PDZRN4: variants seen among roughly 807,000 people sequenced by gnomAD.
PDZRN4 encodes PDZ domain containing ring finger 4.
In PDZRN4, 70 loss-of-function variants were observed where a neutral mutation model predicts 99.0. The ratio of observed to expected loss-of-function variants is 0.71; its 90% CI spans 0.58 to 0.86. PDZRN4 has a LOEUF of 0.86. PDZRN4 is among the 40% of genes least tolerant of loss of function. PDZRN4 has a pLI of 0.00. For missense variants in PDZRN4, 1,474 were observed against 1,331.2 expected (o/e 1.11, Z -1.67); for synonymous variants, 551 against 501.6 (o/e 1.10, Z -1.32).
intron 3 of PDZRN4, among the ~76,000 whole-genome samples, chr12:41,503,684 G>A (rs1293426808): frequency 6.6e-6 from 1 of 152,096 alleles, no homozygotes; most frequent in African/African-American, 2.4e-5. Flanking sequence ...AGAACACCAG[G>A]ACTAGATTAA....
At chr12:41,497,742 G>A (rs550036292) in intron 3 of PDZRN4, among the ~76,000 whole-genome samples, 12 of 152,208 alleles carry the variant, frequency 7.9e-5, no homozygotes, top group African/African-American at 2.9e-4. Flanking sequence ...GATAAAGTTG[G>A]TGACACAAAT....
intron 7 of PDZRN4, among the ~76,000 whole-genome samples, chr12:41,557,619 ACT>A (rs1939190714): frequency 6.6e-6 from 1 of 151,066 alleles, no homozygotes; most frequent in Admixed American, 6.6e-5. Context: ...TCAGGACAAC[ACT>A]CATGGAATCA....
At position 41,333,474 on chromosome 12, in the gene PDZRN4, G is replaced by A. The variant is rs78735281; in HGVS notation, c.843+139286G>A. 5.9e-3 allele frequency among the ~76,000 whole-genome samples: 903 copies of A among 152,210 alleles called. 10 individuals are homozygous for A. Among genetic ancestry groups the A allele is most frequent in the African/African-American group, 0.021 (860 of 41,546 alleles). On this transcript the variant is annotated intron_variant, in intron 3 of 9. Transcript: ENST00000402685. ...TTGGCTCCTCAGTGGTCTGACAGCA[G>A]GTTCTGCCATGTGCTTCAGACCAGG...
intron 3 of PDZRN4, among the ~76,000 whole-genome samples, chr12:41,206,061 A>G (rs530239823): frequency 3.3e-5 from 5 of 152,078 alleles, no homozygotes; most frequent in South Asian, 4.1e-4. Flanking sequence ...GCATTTCACT[A>G]TATGACTCTA....
intron 3 of PDZRN4, among the ~76,000 whole-genome samples, chr12:41,342,849 A>G (rs1291790747): frequency 6.6e-6 from 1 of 151,954 alleles, no homozygotes; most frequent in Non-Finnish European, 1.5e-5. Flanking sequence ...CAGCAATCCA[A>G]CTACTAGGTA....
intron 3 of PDZRN4, among the ~76,000 whole-genome samples, chr12:41,428,647 T>A (rs952053881): frequency 2.0e-5 from 3 of 152,200 alleles, no homozygotes; most frequent in African/African-American, 7.2e-5. Context: ...TGTATGTGTG[T>A]ATGATAGCAA....
At chr12:41,536,443 T>C (rs759483127) in intron 5 of PDZRN4, among the ~76,000 whole-genome samples, 3 of 152,156 alleles carry the variant, frequency 2.0e-5, no homozygotes, top group Admixed American at 6.5e-5. Flanking sequence ...GATGAAAAAG[T>C]GTAGCACAGA....
At chr12:41,451,725 C>T (rs189378212) in intron 3 of PDZRN4, among the ~76,000 whole-genome samples, 2 of 152,250 alleles carry the variant, frequency 1.3e-5, no homozygotes, top group East Asian at 1.9e-4. Flanking sequence ...TAATGGACAC[C>T]TTATCTGTGC....
intron 3 of PDZRN4, among the ~76,000 whole-genome samples, chr12:41,255,607 A>T (rs1591986880): frequency 1.3e-5 from 2 of 152,238 alleles, no homozygotes; most frequent in East Asian, 3.9e-4. Context: ...GTATGTACAA[A>T]GGCTTTTACA....
chr12:41,203,207 A>T (rs80269773), intron 3 of PDZRN4, among the ~76,000 whole-genome samples: 4,385 of 152,154 alleles, frequency 0.029, 165 homozygotes, highest in East Asian at 0.16. Flanking sequence ...AGATAGTTGT[A>T]TATTAATTAA....
At chr12:41,213,682 A>C (rs1002545301) in intron 3 of PDZRN4, among the ~76,000 whole-genome samples, 5 of 152,120 alleles carry the variant, frequency 3.3e-5, no homozygotes, top group African/African-American at 1.2e-4. Context: ...GCTTGCTTTA[A>C]GTGATGTCCT....
chr12:41,450,987 T>TAA (rs1005214486), intron 3 of PDZRN4, among the ~76,000 whole-genome samples: 8 of 151,872 alleles, frequency 5.3e-5, no homozygotes, highest in South Asian at 2.1e-4. Flanking sequence ...TATATATATA[T>TAA]AATGTAAAAT....
chr12:41,326,194 T>A lies in PDZRN4; in HGVS notation c.843+132006T>A, dbSNP rs530348742. 2.2e-4 allele frequency among the ~76,000 whole-genome samples: 34 copies of A among 151,406 alleles called. 1 individual carries two copies. Among genetic ancestry groups the A allele is most frequent in the African/African-American group, 8.2e-4 (34 of 41,254 alleles). ...GGTTTCACCACATTGCCCAGGGTGGTCTCAAATTTCTGGGCTCGAGCAATC... is the reference window on the plus strand; with the variant it reads ...GGTTTCACCACATTGCCCAGGGTGGACTCAAATTTCTGGGCTCGAGCAATC... On this transcript the variant is annotated intron_variant, in intron 3 of 9. Transcript: ENST00000402685.
chr12:41,255,624 A>T (rs1289779431), intron 3 of PDZRN4, among the ~76,000 whole-genome samples: 1 of 152,110 alleles, frequency 6.6e-6, no homozygotes, highest in African/African-American at 2.4e-5. Context: ...TACATTAGTC[A>T]GTTTTTGTGT....
At chr12:41,363,603 G>T (rs1951977760) in intron 3 of PDZRN4, among the ~76,000 whole-genome samples, 1 of 151,760 alleles carries the variant, frequency 6.6e-6, no homozygotes, top group Non-Finnish European at 1.5e-5. Context: ...GATCTGTTAA[G>T]GATGCATTTA....
intron 3 of PDZRN4, among the ~76,000 whole-genome samples, chr12:41,379,424 TTC>T (rs1309297377): frequency 5.3e-5 from 8 of 151,518 alleles, no homozygotes; most frequent in Non-Finnish European, 8.8e-5. Context: ...GCTTTGGTTG[TTC>T]TTTTTCTAGT....
At chr12:41,460,602 A>T (rs897299366) in intron 3 of PDZRN4, among the ~76,000 whole-genome samples, 3 of 152,210 alleles carry the variant, frequency 2.0e-5, no homozygotes, top group African/African-American at 7.2e-5. Context: ...ATATTTTTGA[A>T]ATATTCAAAT....
intron 3 of PDZRN4, among the ~76,000 whole-genome samples, chr12:41,466,346 A>G (rs1347935878): frequency 6.6e-6 from 1 of 152,184 alleles, no homozygotes; most frequent in Non-Finnish European, 1.5e-5. Context: ...ATTATCTCCA[A>G]CACAAATCCC....
chr12:41,209,575 C>T (rs1950874688), intron 3 of PDZRN4, among the ~76,000 whole-genome samples: 1 of 149,146 alleles, frequency 6.7e-6, no homozygotes, highest in Non-Finnish European at 1.5e-5. Flanking sequence ...CAATTCCCAC[C>T]TATGAGTGAG....
Sources: allele counts gnomAD v4.1 joint callset (sites outside exome capture counted in the v4.1 genomes callset), GRCh38; gene constraint gnomAD v4.1.1; transcripts MANE v1.5; gene names NCBI Gene and HGNC (gene_info 2026-07-23, HGNC 2026-07-21).